Variants in ERBB4 observed in about 807,000 individuals in gnomAD.
The protein encoded by ERBB4 is receptor tyrosine-protein kinase erbB-4.
ERBB4 carries 42 observed loss-of-function variants against 158.0 expected under a neutral mutation model. That is an observed-to-expected ratio of 0.27 (90% CI 0.21 to 0.34). The LOEUF is 0.34. Ranked by LOEUF, ERBB4 falls within the 10% of genes least tolerant of loss-of-function variation. ERBB4 has a pLI of 1.00. For missense variants in ERBB4, 1,333 were observed against 1,624.1 expected (o/e 0.82, Z 3.08); for synonymous variants, 583 against 558.7 (o/e 1.04, Z -0.61).
intron 19 of ERBB4, among the ~76,000 whole-genome samples, chr2:211,604,315 GT>G (rs1173148862): frequency 6.6e-6 from 1 of 152,102 alleles, no homozygotes; most frequent in Non-Finnish European, 1.5e-5. Context: ...TTTGTTTCCT[GT>G]TTCTTTAAAC....
intron 19 of ERBB4, among the ~76,000 whole-genome samples, chr2:211,592,573 CAA>C (rs955545371): frequency 5.3e-5 from 8 of 152,126 alleles, no homozygotes; most frequent in South Asian, 2.1e-4. Context: ...AACTGAAAGA[CAA>C]AGAGGATTTC....
rs1217436571 is a variant in ERBB4 at position 211,979,950 on chromosome 2, C to A, written c.235-32334G>T. Among the ~76,000 whole-genome samples the A allele has an allele frequency of 2.6e-5, 4 of 152,122 alleles. No homozygotes were observed. In the East Asian group the frequency reaches 7.7e-4, roughly 29 times the overall value. Reference sequence around the variant, plus strand: ...TCAAATTACAGACATCAAATCAATTCTGTTTTGCAATTTTCTTTAATATAT... The same window carrying A: ...TCAAATTACAGACATCAAATCAATTATGTTTTGCAATTTTCTTTAATATAT... On this transcript the variant is annotated intron_variant, in intron 2 of 27. Transcript: ENST00000342788.
intron 4 of ERBB4, among the ~76,000 whole-genome samples, chr2:211,767,446 T>C (rs2075578949): frequency 6.6e-6 from 1 of 152,214 alleles, no homozygotes; most frequent in African/African-American, 2.4e-5. Context: ...TTTGACTCAA[T>C]ATATAATTTT....
chr2:212,462,181 T>C (rs1354948359), intron 1 of ERBB4, among the ~76,000 whole-genome samples: 1 of 152,108 alleles, frequency 6.6e-6, no homozygotes, highest in Non-Finnish European at 1.5e-5. Flanking sequence ...GAAACAACAC[T>C]TCAAGACATT....
intron 3 of ERBB4, among the ~76,000 whole-genome samples, chr2:211,889,401 A>G (rs2078902643): frequency 6.8e-6 from 1 of 146,334 alleles, no homozygotes; most frequent in Non-Finnish European, 1.5e-5. Flanking sequence ...CCATCTGTAC[A>G]TCACCATCAT....
chr2:211,943,563 G>A (rs2080566451), intron 3 of ERBB4, among the ~76,000 whole-genome samples: 1 of 152,050 alleles, frequency 6.6e-6, no homozygotes, highest in African/African-American at 2.4e-5. Flanking sequence ...CAAGAAGAAA[G>A]TAAGGCAGTG....
chr2:212,426,458 G>C (rs2091915092), intron 1 of ERBB4: 1 of 402,888 alleles, frequency 2.5e-6, no homozygotes, highest in Non-Finnish European at 4.9e-6. Flanking sequence ...AGCTGAAATA[G>C]AGAAGCTGAT....
At chr2:211,610,643 T>C (rs2069159432) in intron 19 of ERBB4, among the ~76,000 whole-genome samples, 1 of 152,116 alleles carries the variant, frequency 6.6e-6, no homozygotes, top group South Asian at 2.1e-4. Flanking sequence ...TTAGTTTAAT[T>C]CTCTTTCAGC....
intron 13 of ERBB4, 24 bp from the exon 14 acceptor site, chr2:211,673,281 G>C (rs534481087): frequency 2.8e-5 from 43 of 1,543,356 alleles, no homozygotes; most frequent in Non-Finnish European, 3.8e-5. Flanking sequence ...AGCCACATGA[G>C]GAGGTGTAAG....
intron 2 of ERBB4, among the ~76,000 whole-genome samples, chr2:212,019,757 G>GT (rs2076606773): frequency 1.1e-4 from 2 of 17,654 alleles, no homozygotes; most frequent in Middle Eastern, 0.1. Context: ...GCAACATTCT[G>GT]TAAAAAAAAA....
intron 2 of ERBB4, among the ~76,000 whole-genome samples, chr2:211,988,924 C>A (rs2082002689): frequency 6.6e-6 from 1 of 151,986 alleles, no homozygotes; most frequent in Admixed American, 6.6e-5. Flanking sequence ...TATTTGCAAT[C>A]TATTTTTTTC....
At chr2:212,243,822 GA>G (rs1322938612) in intron 1 of ERBB4, among the ~76,000 whole-genome samples, 1 of 151,912 alleles carries the variant, frequency 6.6e-6, no homozygotes, top group Non-Finnish European at 1.5e-5. Context: ...AGAAAAAGAA[GA>G]AGAAAAAATT....
intron 2 of ERBB4, among the ~76,000 whole-genome samples, chr2:212,121,576 A>G (rs1389962817): frequency 6.6e-6 from 1 of 152,126 alleles, no homozygotes; most frequent in East Asian, 1.9e-4. Flanking sequence ...TACCTTATCC[A>G]ATTACAAAAT....
chr2:211,558,433 G>C (rs985942137), intron 20 of ERBB4, among the ~76,000 whole-genome samples: 1 of 152,076 alleles, frequency 6.6e-6, no homozygotes, highest in East Asian at 1.9e-4. Flanking sequence ...GGTAATCCAG[G>C]ATAATCTCAT....
At chr2:211,889,705 G>A (rs1229108342) in intron 3 of ERBB4, among the ~76,000 whole-genome samples, 4 of 146,734 alleles carry the variant, frequency 2.7e-5, no homozygotes, top group African/African-American at 1.0e-4. Context: ...ACAGAGAAGT[G>A]CTTAAAGCAG....
intron 20 of ERBB4, among the ~76,000 whole-genome samples, chr2:211,485,332 C>T (rs1046985404): frequency 6.6e-6 from 1 of 152,136 alleles, no homozygotes; most frequent in Non-Finnish European, 1.5e-5. Flanking sequence ...TTCTGAGATC[C>T]TGCCTTTTTA....
At chr2:211,941,664 G>A (rs1253617165) in intron 3 of ERBB4, among the ~76,000 whole-genome samples, 2 of 146,624 alleles carry the variant, frequency 1.4e-5, no homozygotes, top group Non-Finnish European at 3.0e-5. Flanking sequence ...CATCACCAGA[G>A]AAACAGATCT....
intron 2 of ERBB4, among the ~76,000 whole-genome samples, chr2:211,994,601 T>C (rs1052890374): frequency 6.6e-6 from 1 of 152,188 alleles, no homozygotes; most frequent in Non-Finnish European, 1.5e-5. Flanking sequence ...GTGTAAAGCA[T>C]ACATTTACAT....
At chr2:212,050,883 C>A (rs2077381412) in intron 2 of ERBB4, among the ~76,000 whole-genome samples, 1 of 152,052 alleles carries the variant, frequency 6.6e-6, no homozygotes. Context: ...CTACCAATAC[C>A]AATCCACCTC....
Sources: gnomAD v4.1 joint callset for allele counts (sites outside exome capture counted in the v4.1 genomes callset) on GRCh38, gnomAD v4.1.1 for gene constraint, MANE v1.5 for transcripts, NCBI Gene and HGNC (gene_info 2026-07-23, HGNC 2026-07-21) for gene names.